The following ANKRD13C variants were observed in gnomAD, a reference collection of about 807,000 sequenced individuals.
ANKRD13C encodes ankyrin repeat domain-containing protein 13C.
ANKRD13C carries 16 observed loss-of-function variants against 65.5 expected under a neutral mutation model. The ratio of observed to expected loss-of-function variants is 0.24; its 90% CI spans 0.17 to 0.37. ANKRD13C has a LOEUF of 0.37. Among genes scored for constraint, ANKRD13C ranks in the 10% least tolerant of loss-of-function variants. The pLI is 1.00. For missense variants in ANKRD13C, 503 were observed against 655.9 expected, an observed-to-expected ratio of 0.77 and a Z score of 2.55; for synonymous variants, 235 against 238.7, an observed-to-expected ratio of 0.98 and a Z score of 0.14.
At chr1:70,345,392 G>A in intron 1 of ANKRD13C, among the ~76,000 whole-genome samples, 1 of 151,246 alleles carries the variant, frequency 6.6e-6, no homozygotes, top group South Asian at 2.1e-4. Flanking sequence ...TCGCACCATT[G>A]CACTCCAGCC....
At chr1:70,292,224 T>C (rs1679895248) in intron 9 of ANKRD13C, 164 bp downstream of exon 9, 3 of 495,034 alleles carry the variant, frequency 6.1e-6, no homozygotes, top group South Asian at 1.3e-4. Context: ...CATTTTTTTG[T>C]CTTCATAATA....
At chr1:70,324,693 T>C (rs1681456892) in intron 3 of ANKRD13C, among the ~76,000 whole-genome samples, 160 bp downstream of exon 3, 1 of 152,234 alleles carries the variant, frequency 6.6e-6, no homozygotes, top group Non-Finnish European at 1.5e-5. Flanking sequence ...TGGGTTCCAC[T>C]CAATGTTCAA....
At chr1:70,309,034 TTTTC>T (rs1206117866) in intron 5 of ANKRD13C, among the ~76,000 whole-genome samples, 1 of 151,450 alleles carries the variant, frequency 6.6e-6, no homozygotes, top group Admixed American at 6.6e-5. Flanking sequence ...TACTCCCCAA[TTTTC>T]TTTCTTTCCT....
chr1:70,333,655 A>G (rs1340011742), intron 2 of ANKRD13C, among the ~76,000 whole-genome samples: 2 of 152,250 alleles, frequency 1.3e-5, no homozygotes, highest in Non-Finnish European at 2.9e-5. Flanking sequence ...AAACCCATCT[A>G]GTTAGCAGTG....
chr1:70,337,201 G>A (rs1229372528), intron 1 of ANKRD13C, among the ~76,000 whole-genome samples: 1 of 151,418 alleles, frequency 6.6e-6, no homozygotes, highest in African/African-American at 2.4e-5. Context: ...AATAAAGGCA[G>A]AATGGAATGG....
chr1:70,263,426 A>C (rs1189273176), intron 12 of ANKRD13C, among the ~76,000 whole-genome samples: 1 of 152,238 alleles, frequency 6.6e-6, no homozygotes, highest in Non-Finnish European at 1.5e-5. Context: ...TTGTTTAAGT[A>C]AAATCTAGCA....
rs1361567958 is a variant in ANKRD13C at position 70,313,809 on chromosome 1, A to G, written c.664-19T>C. The G allele has an allele frequency of 1.3e-6, 2 of 1,588,050 alleles. No homozygotes were observed. Among genetic ancestry groups the G allele is most frequent in the South Asian group, 2.2e-5 (2 of 90,304 alleles). On this transcript the variant is annotated intron_variant, in intron 4 of 12. Coordinates refer to ENST00000370944, the MANE Select transcript of ANKRD13C (RefSeq NM_030816.5). ...CACCTAGCTGAAAAATGAAATATGAATAATTACTAAATGCACCTTAGTTAA... is the reference window on the plus strand; with the variant it reads ...CACCTAGCTGAAAAATGAAATATGAGTAATTACTAAATGCACCTTAGTTAA...
At chr1:70,265,808 G>A (rs1423283236) in intron 12 of ANKRD13C, among the ~76,000 whole-genome samples, 1 of 117,340 alleles carries the variant, frequency 8.5e-6, no homozygotes, top group Non-Finnish European at 1.7e-5. Context: ...CTGTGCAACA[G>A]TGTCAGACCT....
intron 9 of ANKRD13C, among the ~76,000 whole-genome samples, chr1:70,279,847 G>A (rs888674189): frequency 2.0e-5 from 3 of 152,070 alleles, no homozygotes; most frequent in Non-Finnish European, 4.4e-5. Flanking sequence ...TGTGCGGCAC[G>A]CATTAATAAA....
At chr1:70,322,052 C>T (rs1186124020) in intron 3 of ANKRD13C, among the ~76,000 whole-genome samples, 4 of 152,010 alleles carry the variant, frequency 2.6e-5, no homozygotes, top group African/African-American at 7.3e-5. Context: ...TGGTGGCTCA[C>T]GCCTGTAATC....
intron 1 of ANKRD13C, among the ~76,000 whole-genome samples, chr1:70,337,198 G>C (rs1389317484): frequency 6.7e-6 from 1 of 149,720 alleles, no homozygotes; most frequent in Non-Finnish European, 1.5e-5. Context: ...CTCAATAAAG[G>C]CAGAATGGAA....
At chr1:70,287,493 G>GA (rs950232646) in intron 9 of ANKRD13C, among the ~76,000 whole-genome samples, 1 of 151,866 alleles carries the variant, frequency 6.6e-6, no homozygotes, top group Non-Finnish European at 1.5e-5. Context: ...AAAACTTTTA[G>GA]AAAAAAACAC....
chr1:70,264,102 C>T (rs537719617), intron 12 of ANKRD13C, among the ~76,000 whole-genome samples: 10 of 152,134 alleles, frequency 6.6e-5, no homozygotes, highest in Admixed American at 3.3e-4. Flanking sequence ...ATTGCCAGGC[C>T]TATTTTGGTA....
At chr1:70,274,657 T>C in intron 11 of ANKRD13C, 63 bp downstream of exon 11, 1 of 1,261,078 alleles carries the variant, frequency 7.9e-7, no homozygotes, top group Admixed American at 1.8e-5. Context: ...GTGCAAATAT[T>C]ATTACAGCCT....
intron 9 of ANKRD13C, among the ~76,000 whole-genome samples, chr1:70,281,396 CTTTTTTTTTTTT>C (rs71583111): frequency 1.2e-5 from 1 of 85,358 alleles, no homozygotes; most frequent in Non-Finnish European, 2.3e-5. Context: ...TGACTAAATT[CTTTTTTTTTTTT>C]TTTTTTTTTT....
In ANKRD13C at chr1:70,354,704, G is replaced by A. The variant is rs758072835; in HGVS notation, c.-296C>T. On this transcript the variant is annotated 5_prime_UTR_variant, in exon 1 of 13. Transcript: ENST00000370944. Reference sequence around the variant, plus strand: ...TGCCTTACACCGAAAAACAGGGCACGGCCATCTTCCTCTTGCTCCTCTCGC... The same window carrying A: ...TGCCTTACACCGAAAAACAGGGCACAGCCATCTTCCTCTTGCTCCTCTCGC... 35 of 738,114 alleles carry A rather than the reference G, an allele frequency of 4.7e-5. No homozygotes were observed. The highest frequency in any genetic ancestry group is 6.5e-5 in the Non-Finnish European group (30 of 464,374). The allele number at this position is 738,114 out of a possible 1,614,324, so 45.7% of individuals were successfully genotyped here.
intron 1 of ANKRD13C, among the ~76,000 whole-genome samples, chr1:70,346,477 A>G (rs758461876): frequency 6.6e-6 from 1 of 152,138 alleles, no homozygotes; most frequent in Non-Finnish European, 1.5e-5. Context: ...CAATGACTAG[A>G]TATTATAAAA....
chr1:70,325,020 T>C, intron 2 of ANKRD13C, 63 bp from the exon 3 acceptor site: 1 of 1,125,090 alleles, frequency 8.9e-7, no homozygotes, highest in East Asian at 2.7e-5. Context: ...TAAATATAAA[T>C]ATATAAAAGT....
At chr1:70,306,891 G>C (rs949081062) in intron 5 of ANKRD13C, among the ~76,000 whole-genome samples, 3 of 152,070 alleles carry the variant, frequency 2.0e-5, no homozygotes, top group Non-Finnish European at 4.4e-5. Flanking sequence ...GCCATATTCT[G>C]ATAGTTTTTT....
Sources: allele counts gnomAD v4.1 joint callset (sites outside exome capture counted in the v4.1 genomes callset), GRCh38; gene constraint gnomAD v4.1.1; transcripts MANE v1.5; gene names NCBI Gene and HGNC (gene_info 2026-07-23, HGNC 2026-07-21).